The following PREP variants were observed in gnomAD, a reference collection of about 807,000 sequenced individuals.
The protein encoded by PREP is dJ355L5.1 (prolyl endopeptidase).
PREP carries 29 observed loss-of-function variants against 87.6 expected under a neutral mutation model. The observed-to-expected ratio is 0.33, with a 90% CI of 0.25 to 0.45. The LOEUF (loss-of-function observed/expected upper bound fraction) is 0.45, where lower values mean the gene tolerates loss of function less well. Ranked by LOEUF, PREP falls within the 20% of genes least tolerant of loss-of-function variation. PREP has a pLI of 1.00. For synonymous variants in PREP, 337 were observed against 328.6 expected (o/e 1.03, Z -0.28); for missense variants, 695 against 886.5 (o/e 0.78, Z 2.74).
chr6:105,347,659 T>C (rs1771833365), intron 7 of PREP, among the ~76,000 whole-genome samples: 2 of 152,154 alleles, frequency 1.3e-5, no homozygotes, highest in South Asian at 4.1e-4. Context: ...GCAGAAAATA[T>C]TCAAAAATTT....
chr6:105,397,966 T>A, intron 1 of PREP, 39 bp from the exon 2 acceptor site: 1 of 1,419,522 alleles, frequency 7.0e-7, no homozygotes, highest in Non-Finnish European at 9.9e-7. Context: ...AATTACTCTC[T>A]AACCCCAATT....
chr6:105,371,270 C>T (rs923136154), intron 5 of PREP, among the ~76,000 whole-genome samples: 5 of 151,922 alleles, frequency 3.3e-5, no homozygotes, highest in Non-Finnish European at 7.4e-5. Context: ...TTTGGGAGGC[C>T]GAGGTGGGAG....
intron 10 of PREP, among the ~76,000 whole-genome samples, chr6:105,293,732 T>C (rs772540273): frequency 5.9e-5 from 9 of 152,192 alleles, no homozygotes; most frequent in Non-Finnish European, 1.3e-4. Flanking sequence ...TCAGCAGTAT[T>C]TTCTGCCATT....
At chr6:105,337,285 T>C (rs1771506959) in intron 7 of PREP, among the ~76,000 whole-genome samples, 2 of 152,202 alleles carry the variant, frequency 1.3e-5, no homozygotes, top group Admixed American at 6.5e-5. Context: ...TGGGTTGAAG[T>C]AGCAGTCTTT....
Position 105,346,065 on chromosome 6 carries a change from C to T in PREP, c.823+6907G>A, listed in dbSNP as rs114932684. ...TTGTTTTTATACTGTCTTTTGATGT[C>T]CCAATTCTTTTTCGTTTTTCTGCAT... On this transcript the variant is annotated intron_variant, in intron 7 of 14. Transcript: ENST00000652536. 1.3e-3 allele frequency among the ~76,000 whole-genome samples: 200 copies of T among 151,698 alleles called. 1 individual carries two copies. The highest frequency in any genetic ancestry group is 4.6e-3 in the African/African-American group (189 of 41,112).
At chr6:105,349,025 T>A (rs1450790914) in intron 7 of PREP, among the ~76,000 whole-genome samples, 1 of 150,790 alleles carries the variant, frequency 6.6e-6, no homozygotes, top group Admixed American at 6.5e-5. Flanking sequence ...TCTGCTTAGC[T>A]GTTCTGAACA....
intron 10 of PREP, among the ~76,000 whole-genome samples, chr6:105,300,267 G>A (rs1376694937): frequency 6.6e-6 from 1 of 152,128 alleles, no homozygotes; most frequent in Non-Finnish European, 1.5e-5. Flanking sequence ...ATACAAGAGG[G>A]GCTGCTGTTA....
At chr6:105,370,552 T>C (rs1772509692) in intron 5 of PREP, among the ~76,000 whole-genome samples, 1 of 152,100 alleles carries the variant, frequency 6.6e-6, no homozygotes, top group African/African-American at 2.4e-5. Flanking sequence ...AAAACTTGTG[T>C]CCAAACAAAG....
intron 4 of PREP, 30 bp from the exon 5 acceptor site, chr6:105,373,608 A>G (rs1269684873): frequency 6.3e-7 from 1 of 1,594,334 alleles, no homozygotes; most frequent in Non-Finnish European, 8.6e-7. Flanking sequence ...TCATCCAGTG[A>G]CAAACACGGA....
rs192629285 is a variant in PREP at position 105,388,699 on chromosome 6, A to C, written c.120+9154T>G. ...GGTAGTAACACGTTTAAGACCTTAG[A>C]AGTCTTAGAGACTGAGATAATATGT... On this transcript the variant is annotated intron_variant, in intron 2 of 14. Coordinates refer to ENST00000652536, the MANE Select transcript of PREP (RefSeq NM_002726.5). Among the ~76,000 whole-genome samples the C allele has an allele frequency of 6.3e-3, 956 of 152,348 alleles. 28 individuals are homozygous for C. Among genetic ancestry groups the C allele is most frequent in the Admixed American group, 0.047 (725 of 15,306 alleles).
intron 1 of PREP, among the ~76,000 whole-genome samples, chr6:105,400,644 C>G (rs534848940): frequency 1.3e-5 from 2 of 152,320 alleles, no homozygotes; most frequent in Admixed American, 1.3e-4. Context: ...CCTCTTCTAT[C>G]AGAGTGTGAG....
chr6:105,348,970 C>T (rs1438557219), intron 7 of PREP, among the ~76,000 whole-genome samples: 1 of 152,036 alleles, frequency 6.6e-6, no homozygotes, highest in African/African-American at 2.4e-5. Flanking sequence ...CCACACATTT[C>T]TCTGGTAAGC....
At chr6:105,322,084 GA>G (rs144523786) in intron 10 of PREP, among the ~76,000 whole-genome samples, 2 of 151,440 alleles carry the variant, frequency 1.3e-5, no homozygotes, top group South Asian at 2.1e-4. Flanking sequence ...CAAATTAGAG[GA>G]AAAAAAAGAG....
chr6:105,402,856 G>A lies in PREP; in HGVS notation c.36C>T (p.Asp12=). ...AGGCAGAGATACTTACGGCGGTCTC[G>A]TCGCGGTACACGTCGGGGTACTGAA... ...LSLQYPDVYR[D]ETAVQDYHGH... Residue 12 remains aspartate (D), a synonymous_variant, in exon 1 of 15, where the codon GAC becomes GAT. Transcript: ENST00000652536. The A allele has an allele frequency of 6.5e-7, 1 of 1,545,762 alleles. No homozygotes were observed. Among genetic ancestry groups the A allele is most frequent in the Non-Finnish European group, 8.7e-7 (1 of 1,144,134 alleles).
chr6:105,398,528 T>C (rs1773344483), intron 1 of PREP, among the ~76,000 whole-genome samples: 1 of 152,212 alleles, frequency 6.6e-6, no homozygotes, highest in Non-Finnish European at 1.5e-5. Flanking sequence ...TTCCTTTTTA[T>C]TTACTGTTAT....
intron 10 of PREP, among the ~76,000 whole-genome samples, chr6:105,305,560 G>GA (rs1406622450): frequency 6.6e-6 from 1 of 152,154 alleles, no homozygotes; most frequent in Non-Finnish European, 1.5e-5. Flanking sequence ...CGGGGCAGGG[G>GA]GGACATGAAG....
Position 105,273,516 on chromosome 6 carries a change from C to T in PREP, c.*4628G>A, listed in dbSNP as rs1217685095. The T allele has an allele frequency of 2.0e-5, 3 of 152,174 alleles. No individual in the cohort carries two copies. Among genetic ancestry groups the T allele is most frequent in the Non-Finnish European group, 4.4e-5 (3 of 68,028 alleles). The allele number at this position is 152,174 out of a possible 1,614,324, so 9.4% of individuals were successfully genotyped here. A position where few individuals can be genotyped will look rare whatever the true frequency, so the allele number is the denominator to read the frequency against. On this transcript the variant is annotated 3_prime_UTR_variant, in exon 15 of 15. Coordinates refer to ENST00000652536, the MANE Select transcript of PREP (RefSeq NM_002726.5). Reference sequence around the variant, plus strand: ...TTCACTTAATCAGACTATACCCAGTCATTTGTGTCTGGCTTCTTTCACTTA... The same window carrying T: ...TTCACTTAATCAGACTATACCCAGTTATTTGTGTCTGGCTTCTTTCACTTA...
At chr6:105,343,827 T>C (rs1771726431) in intron 7 of PREP, among the ~76,000 whole-genome samples, 1 of 152,164 alleles carries the variant, frequency 6.6e-6, no homozygotes, top group South Asian at 2.1e-4. Context: ...TGAGATTCCA[T>C]CTCACACCAG....
At chr6:105,310,124 GGAA>G (rs1260603373) in intron 10 of PREP, among the ~76,000 whole-genome samples, 5 of 152,108 alleles carry the variant, frequency 3.3e-5, no homozygotes, top group Admixed American at 6.5e-5. Flanking sequence ...AAAAGTAATC[GGAA>G]GAAGAGAGAG....
Sources: allele counts gnomAD v4.1 joint callset (sites outside exome capture counted in the v4.1 genomes callset), GRCh38; gene constraint gnomAD v4.1.1; transcripts MANE v1.5; gene names NCBI Gene and HGNC (gene_info 2026-07-23, HGNC 2026-07-21).